Variants in MYO7A observed in about 807,000 individuals in gnomAD.
MYO7A encodes the protein myosin VIIA.
MYO7A carries 210 observed loss-of-function variants against 263.8 expected under a neutral mutation model. The observed-to-expected ratio is 0.80, with a 90% CI of 0.71 to 0.89. The LOEUF is 0.89. Among genes scored for constraint, MYO7A ranks in the 40% least tolerant of loss-of-function variants. The pLI, the probability that MYO7A is intolerant of heterozygous loss-of-function variation, is 0.00. For missense variants in MYO7A, 2,820 were observed against 2,968.3 expected (o/e 0.95, Z 1.16); for synonymous variants, 1,239 against 1,197.3 (o/e 1.03, Z -0.72).
In MYO7A at chr11:77,203,329, G is replaced by A. The variant is rs1957205122; in HGVS notation, c.5326+112G>A. 5.8e-6 allele frequency: 7 copies of A among 1,213,382 alleles called. No homozygotes were observed. The Admixed American group carries it at 1.7e-4, about 29-fold the overall frequency. 75.2% of individuals were successfully genotyped at this position (1,213,382 alleles called of 1,614,324 possible). A position where few individuals can be genotyped will look rare whatever the true frequency, so the allele number is the denominator to read the frequency against. ...TGCGACCCGGGCACACATGGGGAGG[G>A]TTGATGGAGTACCCCCTCCCTTGCA... On this transcript the variant is annotated intron_variant, in intron 38 of 48. Coordinates refer to ENST00000409709, the MANE Select transcript of MYO7A (RefSeq NM_000260.4).
chr11:77,156,976 T>A lies in MYO7A; in HGVS notation c.707T>A (p.Leu236Gln). The change falls in exon 7 of 49, where the codon CTG becomes CAG. Residue 236 changes from leucine to glutamine, a missense_variant. Physicochemically the swap from Leu to Gln is moderately radical, Grantham distance 113 (BLOSUM62 -2). Transcript: ENST00000409709. ...GAGGGCGCGAAGATTGAGCAGTACC[T>A]GCTGGAAAAGTCACGTGTCTGTCGC... ...AIEGAKIEQY[L>Q]LEKSRVCRQA... 5 of 1,613,796 alleles carry A rather than the reference T, an allele frequency of 3.1e-6. No individual in the cohort carries two copies. The highest frequency in any genetic ancestry group is 4.2e-6 in the Non-Finnish European group (5 of 1,179,862).
chr11:77,189,473 A>G lies in MYO7A; in HGVS notation c.3630+3A>G, dbSNP rs782668382. On this transcript the variant is annotated splice_donor_region_variant and intron_variant, in intron 28 of 48. Transcript: ENST00000409709. ...CCCCCTCCGAGAAGTTTGTCAAGGT[A>G]GGAAGGTGCCTGGCCTCCTGGAGTG... 1.9e-6 allele frequency: 3 copies of G among 1,613,684 alleles called. No homozygotes were observed. The highest frequency in any genetic ancestry group is 1.1e-5 in the South Asian group (1 of 91,074).
At position 77,205,505 on chromosome 11, in the gene MYO7A, G is replaced by C; in HGVS notation, c.5524G>C (p.Gly1842Arg). 1 of 1,598,070 alleles carries C rather than the reference G, an allele frequency of 6.3e-7. No homozygotes were observed. Among genetic ancestry groups the C allele is most frequent in the Non-Finnish European group, 8.5e-7 (1 of 1,173,108 alleles). ...RGWELLWLCT[G>R]LFPPSNILLP... ...TTGGGAGCTGCTCTGGCTGTGCACG[G>C]GCCTTTTCCCACCCAGCAACATCCT... The change falls in exon 40 of 49, where the codon GGC becomes CGC. Residue 1842 changes from glycine to arginine, a missense_variant. Coordinates refer to ENST00000409709, the MANE Select transcript of MYO7A (RefSeq NM_000260.4).
chr11:77,211,705 G>T, intron 45 of MYO7A, 116 bp from the exon 46 acceptor site: 1 of 754,778 alleles, frequency 1.3e-6, no homozygotes, highest in Non-Finnish European at 2.2e-6. Context: ...TGAGGGTGCA[G>T]ACGGGGCTGG....
At chr11:77,191,106 A>G in intron 30 of MYO7A, 1 of 425,664 alleles carries the variant, frequency 2.3e-6, no homozygotes, top group East Asian at 3.8e-5. Flanking sequence ...CAGATCACAA[A>G]GTCAGGAGTT....
intron 1 of MYO7A, 41 bp from the exon 2 acceptor site, chr11:77,130,548 C>T: frequency 6.6e-7 from 1 of 1,523,378 alleles, no homozygotes; most frequent in Non-Finnish European, 9.0e-7. Flanking sequence ...GCTTCCAGGG[C>T]TGGCCTGCCC....
chr11:77,161,156 A>T (rs782405812), intron 12 of MYO7A, 41 bp downstream of exon 12: 1 of 1,609,744 alleles, frequency 6.2e-7, no homozygotes, highest in Non-Finnish European at 8.5e-7. Context: ...TCCTTCCCCA[A>T]TATGGAAATA....
At chr11:77,213,681 C>A (rs1278490949) in intron 47 of MYO7A, among the ~76,000 whole-genome samples, 179 bp from the exon 48 acceptor site, 1 of 152,194 alleles carries the variant, frequency 6.6e-6, no homozygotes, top group East Asian at 1.9e-4. Context: ...TCCTGGGTGT[C>A]CAAACCAAGG....
rs1470578844 is a variant in MYO7A, at chr11:77,214,686, G to A, written c.6638G>A (p.Ser2213Asn). 2 of 1,577,750 alleles carry A rather than the reference G, an allele frequency of 1.3e-6. No homozygotes were observed. Among genetic ancestry groups the A allele is most frequent in the South Asian group, 2.3e-5 (2 of 85,696 alleles). The change falls in exon 49 of 49, where the codon AGC becomes AAC. Residue 2213 changes from serine to asparagine, a missense_variant. Physicochemically the swap from Ser to Asn is conservative, Grantham distance 46. Transcript: ENST00000409709. ...TAMSKQRGSR[S>N]GK ...ATGAGCAAACAGCGGGGCTCCAGGA[G>A]CGGCAAGTGAACAGTCACGGGGAGG...
intron 45 of MYO7A, 30 bp downstream of exon 45, chr11:77,211,367 G>A (rs1957854860): frequency 1.3e-6 from 2 of 1,556,970 alleles, no homozygotes; most frequent in African/African-American, 1.4e-5. Context: ...CGGGAATGGT[G>A]GGGCCCTGAA....
chr11:77,207,748 A>G (rs1046525003), intron 42 of MYO7A, among the ~76,000 whole-genome samples: 2 of 152,246 alleles, frequency 1.3e-5, no homozygotes, highest in African/African-American at 4.8e-5. Context: ...CCTTGAAAGA[A>G]TGTGTGATCA....
intron 4 of MYO7A, among the ~76,000 whole-genome samples, chr11:77,153,320 G>A (rs1274588319): frequency 6.6e-6 from 1 of 152,092 alleles, no homozygotes; most frequent in African/African-American, 2.4e-5. Context: ...GCTGTTGGTC[G>A]AGTTGGGAAG....
chr11:77,155,164 G>T (rs1203177816), intron 4 of MYO7A, among the ~76,000 whole-genome samples: 1 of 152,122 alleles, frequency 6.6e-6, no homozygotes, highest in Non-Finnish European at 1.5e-5. Context: ...GAAGGGCCAG[G>T]CTGTTGTCCC....
At chr11:77,131,722 G>T (rs1332988500) in intron 2 of MYO7A, among the ~76,000 whole-genome samples, 4 of 152,182 alleles carry the variant, frequency 2.6e-5, no homozygotes, top group Non-Finnish European at 5.9e-5. Flanking sequence ...TCTGAACGCT[G>T]ACCCACCTCC....
chr11:77,172,742 C>A lies in MYO7A; in HGVS notation c.1798-6C>A. 8 of 1,554,218 alleles carry A rather than the reference C, an allele frequency of 5.1e-6. No individual in the cohort carries two copies. The highest frequency in any genetic ancestry group is 7.0e-6 in the Non-Finnish European group (8 of 1,149,802). On this transcript the variant is annotated splice_polypyrimidine_tract_variant and splice_region_variant and intron_variant, in intron 15 of 48. Coordinates refer to ENST00000409709, the MANE Select transcript of MYO7A (RefSeq NM_000260.4). ...CCCCTCCCATCGCTGCCGTCCGTCC[C>A]CCCAGGGCGCCGAGACCAGGAAGCG...
intron 4 of MYO7A, among the ~76,000 whole-genome samples, chr11:77,153,792 C>A (rs7932850): frequency 0.19 from 28,925 of 152,110 alleles, 3,675 homozygotes; most frequent in Non-Finnish European, 0.26. Context: ...CCCCCTGGCT[C>A]TCCCTCCCCT....
In MYO7A at chr11:77,162,921, C is replaced by G. The variant is rs373327248; in HGVS notation, c.1623C>G (p.Pro541=). The G allele has an allele frequency of 3.2e-5, 51 of 1,613,878 alleles. No individual in the cohort carries two copies. Among genetic ancestry groups the G allele is most frequent in the African/African-American group, 8.0e-5 (6 of 75,006 alleles). ...AGCTCAACGCCAACTACATCCCCCC[C>G]AAGAACAACCATGAGACCCAGTTTG... is the stretch of plus-strand genomic sequence containing the variant. ...QHKLNANYIP[P]KNNHETQFGI... is the part of the protein sequence containing the mutation. The change falls in exon 14 of 49, where the codon CCC becomes CCG. Residue 541 remains proline, a synonymous_variant. Transcript: ENST00000409709.
Position 77,147,796 on chromosome 11 carries a change from A to C in MYO7A, c.133-2A>C, listed in dbSNP as rs782064437. On this transcript the variant is annotated splice_acceptor_variant, in intron 3 of 48. Coordinates refer to ENST00000409709, the MANE Select transcript of MYO7A (RefSeq NM_000260.4). LOFTEE classifies it high-confidence loss of function. Reference sequence around the variant, plus strand: ...GCACGCTGACGTTCTGGCTCCCCGCAGGAACACTGGATCTCTCCGCAGAAC... The same window carrying C: ...GCACGCTGACGTTCTGGCTCCCCGCCGGAACACTGGATCTCTCCGCAGAAC... 6.2e-7 allele frequency: 1 copy of C among 1,609,068 alleles called. No individual in the cohort carries two copies. The highest frequency in any genetic ancestry group is 8.5e-7 in the Non-Finnish European group (1 of 1,178,452).
At chr11:77,183,302 A>T in intron 26 of MYO7A, 145 bp downstream of exon 26, 1 of 695,038 alleles carries the variant, frequency 1.4e-6, no homozygotes, top group Non-Finnish European at 2.6e-6. Context: ...GGCCAGGGAC[A>T]GGACAACATG....
Sources: gnomAD v4.1 joint callset for allele counts (sites outside exome capture counted in the v4.1 genomes callset) on GRCh38, gnomAD v4.1.1 for gene constraint, MANE v1.5 for transcripts, NCBI Gene and HGNC (gene_info 2026-07-23, HGNC 2026-07-21) for gene names.